Variants in CYB5R3 observed in about 807,000 individuals in gnomAD.
The protein encoded by CYB5R3 is NADH-cytochrome b5 reductase 3.
CYB5R3 carries 28 observed loss-of-function variants against 36.5 expected under a neutral mutation model. That is an observed-to-expected ratio of 0.77 (90% CI 0.57 to 1.05). The LOEUF is 1.05. Ranked by LOEUF, CYB5R3 falls within the 50% of genes least tolerant of loss-of-function variation. The pLI, the probability that CYB5R3 is intolerant of heterozygous loss-of-function variation, is 0.00. For missense variants in CYB5R3, 474 were observed against 408.9 expected, an observed-to-expected ratio of 1.16 and a Z score of -1.37; for synonymous variants, 181 against 159.8, an observed-to-expected ratio of 1.13 and a Z score of -1.00.
Position 42,623,894 on chromosome 22 carries a change from G to T in CYB5R3, c.634-6C>A, listed in dbSNP as rs1327962099. ...AGCAGGATGTCCTTCTCGGTCTGCA[G>T]GGGACAGGGCCAGGCAGTCAGGAAG... is the stretch of plus-strand genomic sequence containing the variant. On this transcript the variant is annotated splice_polypyrimidine_tract_variant and splice_region_variant and intron_variant, in intron 7 of 8. Transcript: ENST00000352397. 1.2e-6 allele frequency: 2 copies of T among 1,613,318 alleles called. 1 individual carries two copies. The highest frequency in any genetic ancestry group is 3.3e-5 in the Admixed American group (2 of 59,994).
At position 42,619,753 on chromosome 22, in the gene CYB5R3, C is replaced by T. The variant is rs772877222; in HGVS notation, c.*20G>A. ...GCGTGGGGTGCGCGGGGCGGGTGGC[C>T]GTGTGACCGTGCCCGGCCCTCAGAA... On this transcript the variant is annotated 3_prime_UTR_variant, in exon 9 of 9. Coordinates refer to ENST00000352397, the MANE Select transcript of CYB5R3 (RefSeq NM_000398.7). 18 of 1,554,518 alleles carry T rather than the reference C, an allele frequency of 1.2e-5. No individual in the cohort carries two copies. Among genetic ancestry groups the T allele is most frequent in the South Asian group, 4.7e-5 (4 of 85,024 alleles).
intron 2 of CYB5R3, among the ~76,000 whole-genome samples, chr22:42,633,770 C>T (rs542162128): frequency 3.3e-5 from 5 of 152,080 alleles, no homozygotes; most frequent in Admixed American, 2.6e-4. Flanking sequence ...GCAACAAGAG[C>T]GAAAGTCCAT....
chr22:42,635,099 G>C (rs1007185912), intron 2 of CYB5R3, among the ~76,000 whole-genome samples: 11 of 149,070 alleles, frequency 7.4e-5, no homozygotes, highest in African/African-American at 2.7e-4. Flanking sequence ...CCTCGCCAGC[G>C]GCTGGGACTA....
At chr22:42,631,901 G>C (rs1429756587) in intron 2 of CYB5R3, 2 of 187,066 alleles carry the variant, frequency 1.1e-5, no homozygotes, top group Admixed American at 1.1e-4. Context: ...GGCTGCAGAA[G>C]CCACTGCACC....
intron 1 of CYB5R3, among the ~76,000 whole-genome samples, chr22:42,642,071 AAAT>A (rs1340937431): frequency 6.6e-6 from 1 of 152,190 alleles, no homozygotes; most frequent in Non-Finnish European, 1.5e-5. Flanking sequence ...CAAATGTAGC[AAAT>A]AATAACATTA....
chr22:42,628,952 A>C (rs1400933473), intron 4 of CYB5R3, among the ~76,000 whole-genome samples: 4 of 152,074 alleles, frequency 2.6e-5, no homozygotes, highest in Non-Finnish European at 5.9e-5. Context: ...GTGTGGAGGC[A>C]GAGGGGAGTG....
At chr22:42,630,244 G>A (rs1337635362) in intron 4 of CYB5R3, among the ~76,000 whole-genome samples, 2 of 152,046 alleles carry the variant, frequency 1.3e-5, no homozygotes, top group South Asian at 2.1e-4. Flanking sequence ...CTCGAACCCC[G>A]CAGCAGACCC....
intron 1 of CYB5R3, among the ~76,000 whole-genome samples, chr22:42,641,370 G>C (rs920192002): frequency 6.6e-6 from 1 of 150,508 alleles, no homozygotes; most frequent in Non-Finnish European, 1.5e-5. Flanking sequence ...GCAGTGGCGC[G>C]ATCTTGTCTC....
intron 4 of CYB5R3, among the ~76,000 whole-genome samples, chr22:42,628,878 G>A (rs1017071336): frequency 6.6e-6 from 1 of 152,144 alleles, no homozygotes; most frequent in Non-Finnish European, 1.5e-5. Flanking sequence ...GGGAGGGACA[G>A]CGTGTACACA....
intron 7 of CYB5R3, among the ~76,000 whole-genome samples, chr22:42,625,302 T>C (rs997216027): frequency 5.3e-5 from 8 of 152,016 alleles, no homozygotes; most frequent in Non-Finnish European, 8.8e-5. Flanking sequence ...AGCTCATGAG[T>C]TCGAGACCAG....
Position 42,623,530 on chromosome 22 carries a change from A to G in CYB5R3, c.733+259T>C, listed in dbSNP as rs2071843. Among the ~76,000 whole-genome samples, 11,484 of 152,224 alleles carry G rather than the reference A, an allele frequency of 0.075. 1,539 individuals carry two copies. The highest frequency in any genetic ancestry group is 0.69 in the East Asian group (3,578 of 5,162). ...GCTGGCCTTCTCTGCCCAGCTGGGC[A>G]GTGCAGTGCGCCCGGGAAAGGACTC... On this transcript the variant is annotated intron_variant, in intron 8 of 8. Coordinates refer to ENST00000352397, the MANE Select transcript of CYB5R3 (RefSeq NM_000398.7).
chr22:42,640,031 C>G (rs750727528), intron 1 of CYB5R3: 5 of 1,613,542 alleles, frequency 3.1e-6, no homozygotes, highest in Non-Finnish European at 4.2e-6. Flanking sequence ...GTCGACACCT[C>G]AGTGGCCACC....
At chr22:42,629,879 C>CCT (rs1485190733) in intron 4 of CYB5R3, among the ~76,000 whole-genome samples, 4 of 152,166 alleles carry the variant, frequency 2.6e-5, no homozygotes, top group African/African-American at 9.7e-5. Context: ...CTTACTGCAA[C>CCT]CTCTGCCTCC....
At position 42,649,344 on chromosome 22, in the gene CYB5R3, G is replaced by A. The variant is rs1486872336; in HGVS notation, c.-29C>T. Reference sequence around the variant, plus strand: ...GGCCCCGCGCCGCGCTCGCTCTGTCGCCGCCGCCGCCGCCGCCGAGACCGT... The same window carrying A: ...GGCCCCGCGCCGCGCTCGCTCTGTCACCGCCGCCGCCGCCGCCGAGACCGT... On this transcript the variant is annotated 5_prime_UTR_variant, in exon 1 of 9. Transcript: ENST00000352397. 3.6e-6 allele frequency: 3 copies of A among 828,486 alleles called. No individual in the cohort carries two copies. Among genetic ancestry groups the A allele is most frequent in the Non-Finnish European group, 3.0e-6 (2 of 675,482 alleles). 51.3% of individuals were successfully genotyped at this position (828,486 alleles called of 1,614,324 possible).
At chr22:42,644,717 A>G in intron 1 of CYB5R3, 1 of 936,716 alleles carries the variant, frequency 1.1e-6, no homozygotes, top group African/African-American at 1.8e-5. Context: ...AAGTTGGCCG[A>G]AGTTACATTC....
chr22:42,630,008 C>T (rs961267269), intron 4 of CYB5R3, among the ~76,000 whole-genome samples: 1 of 152,186 alleles, frequency 6.6e-6, no homozygotes, highest in African/African-American at 2.4e-5. Context: ...CCATGTCGGC[C>T]AGGCTGGTCT....
intron 1 of CYB5R3, 68 bp downstream of exon 1, chr22:42,649,227 C>A (rs1360217247): frequency 2.8e-6 from 2 of 722,244 alleles, no homozygotes; most frequent in Non-Finnish European, 3.5e-6. Context: ...CAGGCCAGCC[C>A]GCCCCCTCGC....
chr22:42,630,732 T>G, intron 4 of CYB5R3, 150 bp downstream of exon 4: 1 of 707,546 alleles, frequency 1.4e-6, no homozygotes, highest in Non-Finnish European at 2.5e-6. Context: ...CCACTGCCCC[T>G]GCAAGCCCCT....
At chr22:42,623,504 C>A (rs921064088) in intron 8 of CYB5R3, among the ~76,000 whole-genome samples, 4 of 152,204 alleles carry the variant, frequency 2.6e-5, no homozygotes, top group Non-Finnish European at 5.9e-5. Context: ...AGGGAGGGGA[C>A]GCTGGCCTTC....
Sources: gnomAD v4.1 joint callset for allele counts (sites outside exome capture counted in the v4.1 genomes callset) on GRCh38, gnomAD v4.1.1 for gene constraint, MANE v1.5 for transcripts, NCBI Gene and HGNC (gene_info 2026-07-23, HGNC 2026-07-21) for gene names.